Variants in KLHL13 observed in about 807,000 individuals in gnomAD.
The protein encoded by KLHL13 is kelch-like protein 13.
A neutral mutation model predicts 37.1 loss-of-function variants in KLHL13; 10 were observed. That is an observed-to-expected ratio of 0.27 (90% confidence interval 0.17 to 0.46). The LOEUF (loss-of-function observed/expected upper bound fraction) is 0.46, where lower values mean the gene tolerates loss of function less well. Among genes scored for constraint, KLHL13 ranks in the 20% least tolerant of loss-of-function variants. The pLI, the probability that KLHL13 is intolerant of heterozygous loss-of-function variation, is 1.00. For synonymous variants in KLHL13, 163 were observed against 181.2 expected (o/e 0.90, Z 0.81); for missense variants, 360 against 509.3 (o/e 0.71, Z 2.82).
intron 2 of KLHL13, among the ~76,000 whole-genome samples, chrX:117,936,350 G>C (rs1472510061): frequency 9.0e-6 from 1 of 111,476 alleles, no homozygotes; most frequent in African/African-American, 3.3e-5. Context: ...TGACTTTCTA[G>C]GAATTTTCTT....
intron 1 of KLHL13, among the ~76,000 whole-genome samples, chrX:118,031,830 C>T (rs756705547): frequency 3.7e-5 from 4 of 107,832 alleles, no homozygotes; most frequent in East Asian, 5.9e-4. Context: ...TCTGAGGTAC[C>T]GGGTTCATCT....
intron 1 of KLHL13, among the ~76,000 whole-genome samples, chrX:118,097,047 C>T (rs1477112025): frequency 9.0e-6 from 1 of 111,295 alleles, no homozygotes; most frequent in African/African-American, 3.3e-5. Context: ...CTCACCACTC[C>T]TATTCAACAT....
At position 117,901,953 on chromosome X, in the gene KLHL13, A is replaced by T; in HGVS notation, c.1367-7T>A. On this transcript the variant is annotated splice_region_variant and splice_polypyrimidine_tract_variant and intron_variant, in intron 5 of 6. Coordinates refer to ENST00000262820, the Ensembl canonical transcript of KLHL13. ...TTGTAACATTCTACTGTGGCTGTTA[A>T]AAAAAAAAAGAAAAGAAAATTATTT... 1 of 956,601 alleles carries T rather than the reference A, an allele frequency of 1.0e-6. No individual in the cohort carries two copies. The highest frequency in any genetic ancestry group is 1.4e-6 in the Non-Finnish European group (1 of 692,368). The allele number at this position is 956,601 out of a possible 1,213,427, so 78.8% of individuals were successfully genotyped here.
intron 2 of KLHL13, among the ~76,000 whole-genome samples, chrX:117,936,139 T>C (rs1164114118): frequency 9.0e-6 from 1 of 111,617 alleles, no homozygotes; most frequent in Non-Finnish European, 1.9e-5. Flanking sequence ...ATAGAAGGTT[T>C]CCATGAGAAA....
intron 1 of KLHL13, among the ~76,000 whole-genome samples, chrX:118,049,292 C>T (rs1028795023): frequency 2.7e-5 from 3 of 111,692 alleles, no homozygotes; most frequent in East Asian, 2.8e-4. Context: ...ATGCTAAACA[C>T]GACAAAATCA....
intron 1 of KLHL13, among the ~76,000 whole-genome samples, chrX:117,996,002 T>TG (rs2053850339): frequency 9.0e-6 from 1 of 111,385 alleles, no homozygotes; most frequent in Admixed American, 9.6e-5. Context: ...GTTTTTAATT[T>TG]GGGGGGATAT....
At position 118,045,571 on chromosome X, in the gene KLHL13, A is replaced by T. The variant is rs182887799; in HGVS notation, c.-56+70937T>A. Among the ~76,000 whole-genome samples the T allele has an allele frequency of 2.7e-5, 3 of 110,771 alleles. No homozygotes were observed. The Admixed American group carries it at 2.9e-4, about 11-fold the overall frequency. On this transcript the variant is annotated intron_variant, in intron 1 of 6. Transcript: ENST00000371882. ...GTAATCCCAGCACTTTGGGAGGCTG[A>T]GGCTAGTGGACCACTTGAGGTGAGG...
In KLHL13 at chrX:118,024,329, T is replaced by C. The variant is rs748540527; in HGVS notation, c.-55-78754A>G. Among the ~76,000 whole-genome samples, 10 of 111,806 alleles carry C rather than the reference T, an allele frequency of 8.9e-5. No individual in the cohort carries two copies. In the East Asian group the frequency reaches 2.8e-3, roughly 31 times the overall value. ...ACTGTAAAACTTTTGGAAGAAAACC[T>C]CAAATTTGGAAGAGCAAAGATTTCT... On this transcript the variant is annotated intron_variant, in intron 1 of 6. Transcript: ENST00000371882.
chrX:117,925,926 C>T (rs1931988847), intron 2 of KLHL13, among the ~76,000 whole-genome samples: 1 of 111,107 alleles, frequency 9.0e-6, no homozygotes, highest in African/African-American at 3.3e-5. Context: ...GCCCCCCAAC[C>T]GCCACCTGTC....
chrX:118,068,723 G>A (rs1201304598), intron 1 of KLHL13, among the ~76,000 whole-genome samples: 1 of 111,570 alleles, frequency 9.0e-6, no homozygotes, highest in East Asian at 2.8e-4. Flanking sequence ...CTACTGCACT[G>A]AGAGCTAATG....
chrX:117,926,185 T>C (rs187112554), intron 2 of KLHL13, among the ~76,000 whole-genome samples: 1 of 111,601 alleles, frequency 9.0e-6, no homozygotes, highest in African/African-American at 3.3e-5. Context: ...TTTAAAAACA[T>C]TGAAGGAAAG....
At chrX:117,917,294 T>G (rs763868721) in intron 4 of KLHL13, among the ~76,000 whole-genome samples, 1 of 111,208 alleles carries the variant, frequency 9.0e-6, no homozygotes, top group African/African-American at 3.3e-5. Context: ...TTCCTAAAAG[T>G]TCATAGGCAA....
intron 1 of KLHL13, among the ~76,000 whole-genome samples, chrX:118,094,284 G>C (rs1305832192): frequency 5.4e-5 from 6 of 111,197 alleles, no homozygotes; most frequent in Admixed American, 9.6e-5. Context: ...GGAAGAAAGG[G>C]TATCAGCGAT....
At chrX:117,986,901 A>G (rs2053732620) in intron 1 of KLHL13, among the ~76,000 whole-genome samples, 1 of 111,925 alleles carries the variant, frequency 8.9e-6, no homozygotes, top group African/African-American at 3.2e-5. Flanking sequence ...ATGGTGAGAA[A>G]ATCACACTAA....
intron 1 of KLHL13, among the ~76,000 whole-genome samples, chrX:118,063,060 T>C (rs1376892418): frequency 1.8e-5 from 2 of 111,595 alleles, no homozygotes. Flanking sequence ...AGATCTAACC[T>C]AGCAGCAGCC....
chrX:117,974,796 T>C (rs769454709), upstream of KLHL13, among the ~76,000 whole-genome samples: 8 of 111,686 alleles, frequency 7.2e-5, no homozygotes, highest in South Asian at 7.4e-4. Flanking sequence ...ATATGAACTT[T>C]GTAAATATTA....
At chrX:117,902,094 G>A in intron 5 of KLHL13, 148 bp from the exon 7 acceptor site, 1 of 378,624 alleles carries the variant, frequency 2.6e-6, no homozygotes, top group Non-Finnish European at 4.7e-6. Context: ...CTTTGGGGGA[G>A]CTCTTACAGT....
At chrX:118,067,540 A>G (rs1432607872) in intron 1 of KLHL13, among the ~76,000 whole-genome samples, 1 of 112,008 alleles carries the variant, frequency 8.9e-6, no homozygotes, top group Non-Finnish European at 1.9e-5. Flanking sequence ...CTCTTTTGTA[A>G]TAACTTAGCT....
intron 3 of KLHL13, 140 bp downstream of exon 4, chrX:117,920,098 G>A (rs1350786862): frequency 6.6e-5 from 38 of 572,478 alleles, no homozygotes; most frequent in Middle Eastern, 5.2e-4. Flanking sequence ...CAGCACCACC[G>A]AAAACCATAC....
Sources: allele counts gnomAD v4.1 joint callset (sites outside exome capture counted in the v4.1 genomes callset), GRCh38; gene constraint gnomAD v4.1.1; transcripts MANE v1.5; gene names NCBI Gene and HGNC (gene_info 2026-07-23, HGNC 2026-07-21).